Variants in ABCC1 observed in about 807,000 individuals in gnomAD.
ABCC1 encodes the protein ATP binding cassette subfamily C member 1 (ABCC1 blood group), also known as multidrug resistance-associated protein 1.
In ABCC1, 83 loss-of-function variants were observed where a neutral mutation model predicts 172.9. That is an observed-to-expected ratio of 0.48 (90% CI 0.40 to 0.58). The LOEUF (loss-of-function observed/expected upper bound fraction) is 0.58. Ranked by LOEUF, ABCC1 falls within the 20% of genes least tolerant of loss-of-function variation. ABCC1 has a pLI of 0.00. For missense variants in ABCC1, 1,817 were observed against 2,002.7 expected, an observed-to-expected ratio of 0.91 and a Z score of 1.77; for synonymous variants, 937 against 825.2, an observed-to-expected ratio of 1.14 and a Z score of -2.32.
At chr16:16,128,575 AT>A (rs2152124912) in intron 26 of ABCC1, among the ~76,000 whole-genome samples, 1 of 152,328 alleles carries the variant, frequency 6.6e-6, no homozygotes, top group African/African-American at 2.4e-5. Context: ...ATTTGCATGT[AT>A]TTTTATATAT....
Position 16,125,770 on chromosome 16 carries a change from C to T in ABCC1, c.3718-40C>T, listed in dbSNP as rs148910890. Reference sequence around the variant, plus strand: ...AAGAAAAAGGAAAGTCAAGTACGCCCGCTTACTCTAGAAATGCCACGTGAC... The same window carrying T: ...AAGAAAAAGGAAAGTCAAGTACGCCTGCTTACTCTAGAAATGCCACGTGAC... On this transcript the variant is annotated intron_variant, in intron 25 of 30. Transcript: ENST00000399410. 3,655 of 1,394,062 alleles carry T rather than the reference C, an allele frequency of 2.6e-3. 7 individuals carry two copies. The highest frequency in any genetic ancestry group is 3.1e-3 in the Non-Finnish European group (3,095 of 997,702). 86.4% of individuals were successfully genotyped at this position (1,394,062 alleles called of 1,614,324 possible).
At chr16:15,974,075 A>G (rs1466528728) in intron 1 of ABCC1, among the ~76,000 whole-genome samples, 6 of 152,296 alleles carry the variant, frequency 3.9e-5, no homozygotes, top group African/African-American at 1.4e-4. Flanking sequence ...GAAGTGGTTG[A>G]AATGATAGCC....
Position 16,138,344 on chromosome 16 carries a change from GT to G in ABCC1, c.4293-13del, listed in dbSNP as rs4148379. On this transcript the variant is annotated intron_variant, in intron 29 of 30. Transcript: ENST00000399410. ...TGGTTTGACCCAACACTATCTCCTGGTTTTTTTCTTCCGGTCAAGTGTCGGG... is the reference window on the plus strand; with the variant it reads ...TGGTTTGACCCAACACTATCTCCTGGTTTTTTCTTCCGGTCAAGTGTCGGG... 378,993 of 1,564,714 alleles carry G rather than the reference GT, an allele frequency of 0.24. 49,856 individuals are homozygous for G. Among genetic ancestry groups the G allele is most frequent in the South Asian group, 0.45 (39,105 of 86,936 alleles).
intron 4 of ABCC1, 87 bp downstream of exon 4, chr16:16,014,715 G>A (rs1326225897): frequency 2.2e-5 from 33 of 1,499,142 alleles, no homozygotes; most frequent in African/African-American, 6.9e-5. Context: ...GAAGTCATGC[G>A]TTGCCATGGG....
intron 10 of ABCC1, among the ~76,000 whole-genome samples, chr16:16,051,095 C>G (rs1398649910): frequency 6.6e-6 from 1 of 151,846 alleles, no homozygotes; most frequent in East Asian, 1.9e-4. Flanking sequence ...GTTGCTTGAG[C>G]TCAGCACTGT....
chr16:16,009,725 G>C, intron 2 of ABCC1, 51 bp from the exon 3 acceptor site: 1 of 1,517,168 alleles, frequency 6.6e-7, no homozygotes, highest in Non-Finnish European at 8.8e-7. Context: ...CAGGCCCTGG[G>C]GGAGGTTCCA....
intron 22 of ABCC1, 48 bp from the exon 23 acceptor site, chr16:16,114,718 G>T: frequency 6.5e-7 from 1 of 1,537,710 alleles, no homozygotes; most frequent in East Asian, 2.3e-5. Context: ...GCAGTGCCTG[G>T]TCAGCTCCCT....
At chr16:16,078,141 G>C (rs1247128902) in intron 15 of ABCC1, among the ~76,000 whole-genome samples, 1 of 152,220 alleles carries the variant, frequency 6.6e-6, no homozygotes, top group Non-Finnish European at 1.5e-5. Flanking sequence ...CTGGGCCACA[G>C]AGTGAGACTC....
chr16:16,014,391 G>A, intron 3 of ABCC1, 100 bp from the exon 4 acceptor site: 1 of 1,387,686 alleles, frequency 7.2e-7, no homozygotes, highest in East Asian at 2.5e-5. Flanking sequence ...GGTTGCAAGT[G>A]AGCTGAGATT....
intron 21 of ABCC1, among the ~76,000 whole-genome samples, chr16:16,110,145 AC>A (rs2052324992): frequency 6.8e-6 from 1 of 146,828 alleles, no homozygotes; most frequent in Admixed American, 6.9e-5. Context: ...TCCCTCTGTC[AC>A]CCAGGCTGGT....
At chr16:15,965,062 T>G (rs1442761457) in intron 1 of ABCC1, among the ~76,000 whole-genome samples, 1 of 152,204 alleles carries the variant, frequency 6.6e-6, no homozygotes, top group Non-Finnish European at 1.5e-5. Flanking sequence ...TATTAACATT[T>G]GAGTCTTGTT....
intron 30 of ABCC1, 82 bp downstream of exon 30, chr16:16,138,640 C>G (rs769692732): frequency 5.9e-6 from 7 of 1,193,342 alleles, no homozygotes; most frequent in Non-Finnish European, 7.9e-6. Flanking sequence ...TTAATTCATT[C>G]AACACTGTCC....
intron 1 of ABCC1, among the ~76,000 whole-genome samples, chr16:15,999,769 T>TCTCTCTCTCTCTCTCTCTCTCTC: frequency 3.9e-5 from 1 of 25,358 alleles, no homozygotes; most frequent in Non-Finnish European, 8.8e-5. Flanking sequence ...CCCGGCCTCT[T>TCTCTCTCTCTCTCTCTCTCTCTC]TCTCTCTCTC....
intron 1 of ABCC1, among the ~76,000 whole-genome samples, chr16:15,960,065 C>A (rs1252666788): frequency 6.6e-6 from 1 of 152,132 alleles, no homozygotes; most frequent in Non-Finnish European, 1.5e-5. Flanking sequence ...TGTGTGATGT[C>A]TAAGTCTTCC....
At chr16:16,135,138 A>G (rs1460284139) in intron 28 of ABCC1, among the ~76,000 whole-genome samples, 3 of 152,324 alleles carry the variant, frequency 2.0e-5, no homozygotes, top group East Asian at 1.9e-4. Context: ...GAGCATCTCT[A>G]ACCCTTCCAA....
intron 30 of ABCC1, among the ~76,000 whole-genome samples, chr16:16,138,918 C>T (rs943406718): frequency 2.0e-5 from 3 of 152,202 alleles, no homozygotes; most frequent in Admixed American, 2.0e-4. Context: ...CCATGTTGGC[C>T]AGGCTGGTCT....
At chr16:16,048,685 T>C (rs2049312997) in intron 10 of ABCC1, among the ~76,000 whole-genome samples, 1 of 152,188 alleles carries the variant, frequency 6.6e-6, no homozygotes, top group Non-Finnish European at 1.5e-5. Context: ...GATATAAATC[T>C]GTCTTAAAGT....
At chr16:16,098,069 A>C (rs1242390666) in intron 19 of ABCC1, 1 of 152,448 alleles carries the variant, frequency 6.6e-6, no homozygotes, top group Non-Finnish European at 1.5e-5. Flanking sequence ...GGGAGGGTCC[A>C]GGGTGATATC....
intron 1 of ABCC1, among the ~76,000 whole-genome samples, chr16:15,955,003 C>T (rs566831807): frequency 1.3e-5 from 2 of 152,280 alleles, no homozygotes; most frequent in Non-Finnish European, 2.9e-5. Context: ...GGCTGCTTTT[C>T]ATGGCTTCCC....
Sources: allele counts gnomAD v4.1 joint callset (sites outside exome capture counted in the v4.1 genomes callset), GRCh38; gene constraint gnomAD v4.1.1; transcripts MANE v1.5; gene names NCBI Gene and HGNC (gene_info 2026-07-23, HGNC 2026-07-21).